Variants in CCSER1 observed in about 807,000 individuals in gnomAD.
The protein encoded by CCSER1 is coiled-coil serine rich protein 1, also known as serine-rich coiled-coil domain-containing protein 1.
CCSER1 carries 41 observed loss-of-function variants against 82.0 expected under a neutral mutation model. The observed-to-expected ratio is 0.50, with a 90% CI of 0.39 to 0.65. The LOEUF is 0.65. CCSER1 is among the 30% of genes least tolerant of loss of function. The pLI, the probability that CCSER1 is intolerant of heterozygous loss-of-function variation, is 0.00. For missense variants in CCSER1, 1,119 were observed against 1,064.2 expected (o/e 1.05, Z -0.72); for synonymous variants, 414 against 383.9 (o/e 1.08, Z -0.92).
At chr4:91,095,656 T>C (rs924464114) in intron 10 of CCSER1, among the ~76,000 whole-genome samples, 4 of 152,208 alleles carry the variant, frequency 2.6e-5, no homozygotes, top group Non-Finnish European at 1.5e-5. Context: ...GGAGTGTACA[T>C]ACGATAGGCC....
At chr4:90,801,418 G>A (rs1227088999) in intron 7 of CCSER1, among the ~76,000 whole-genome samples, 2 of 152,088 alleles carry the variant, frequency 1.3e-5, no homozygotes, top group Non-Finnish European at 2.9e-5. Flanking sequence ...CTGTACAAAT[G>A]TAAGGTGGTA....
intron 10 of CCSER1, among the ~76,000 whole-genome samples, chr4:91,433,090 C>G (rs909040494): frequency 1.2e-4 from 18 of 152,026 alleles, no homozygotes; most frequent in African/African-American, 3.9e-4. Flanking sequence ...TTAATTTACT[C>G]TTTATTATAT....
In CCSER1 at chr4:90,917,331, A is replaced by C. The variant is rs541831654; in HGVS notation, c.2095-6039A>C. Among the ~76,000 whole-genome samples the C allele has an allele frequency of 3.9e-5, 6 of 152,330 alleles. No individual in the cohort carries two copies. In the South Asian group the frequency reaches 1.2e-3, roughly 32 times the overall value. ...ACATATACACCATGGAATACTATGC[A>C]GCCATAAAAATGATGAGTTCATATC... On this transcript the variant is annotated intron_variant, in intron 8 of 10. Coordinates refer to ENST00000509176, the MANE Select transcript of CCSER1 (RefSeq NM_001145065.2).
intron 8 of CCSER1, among the ~76,000 whole-genome samples, chr4:90,833,805 G>A (rs561626225): frequency 4.6e-5 from 7 of 152,126 alleles, no homozygotes; most frequent in Non-Finnish European, 7.4e-5. Flanking sequence ...GGGAGCTGAG[G>A]CCTACCCTCC....
chr4:90,488,491 T>A (rs1184421678), intron 5 of CCSER1, among the ~76,000 whole-genome samples: 2 of 152,048 alleles, frequency 1.3e-5, no homozygotes, highest in East Asian at 3.9e-4. Flanking sequence ...CCAGGCGACG[T>A]CCTCTCTATT....
intron 10 of CCSER1, among the ~76,000 whole-genome samples, chr4:91,382,039 T>C (rs897758699): frequency 6.6e-6 from 1 of 152,190 alleles, no homozygotes; most frequent in Admixed American, 6.5e-5. Context: ...CCTGTTTGCC[T>C]GGGTGTCAGC....
chr4:90,469,524 AACACACACACACAC>A (rs3971380), intron 5 of CCSER1, among the ~76,000 whole-genome samples: 110 of 136,420 alleles, frequency 8.1e-4, no homozygotes, highest in Non-Finnish European at 1.3e-3. Flanking sequence ...TTTCCTGCAA[AACACACACACACAC>A]ACACACACAC....
At chr4:91,120,632 A>T (rs1299130660) in intron 10 of CCSER1, among the ~76,000 whole-genome samples, 18 of 151,916 alleles carry the variant, frequency 1.2e-4, no homozygotes, top group Non-Finnish European at 1.3e-4. Context: ...CATGAGAGGA[A>T]TCTATGTCAT....
chr4:91,089,240 A>C (rs543903656), intron 10 of CCSER1, among the ~76,000 whole-genome samples: 1 of 152,306 alleles, frequency 6.6e-6, no homozygotes, highest in South Asian at 2.1e-4. Flanking sequence ...AGTGAAACAG[A>C]ACAGAATGAG....
At chr4:91,390,217 A>G (rs904478963) in intron 10 of CCSER1, among the ~76,000 whole-genome samples, 2 of 151,852 alleles carry the variant, frequency 1.3e-5, no homozygotes, top group Non-Finnish European at 2.9e-5. Flanking sequence ...TGCTTTTTTG[A>G]TAAGAGTTTT....
chr4:90,672,157 TA>T (rs1170118405), intron 6 of CCSER1, among the ~76,000 whole-genome samples: 1 of 152,040 alleles, frequency 6.6e-6, no homozygotes, highest in Non-Finnish European at 1.5e-5. Context: ...GGCTTCAACT[TA>T]AAATCCTCAG....
chr4:90,528,264 C>T (rs1774040171), intron 5 of CCSER1, among the ~76,000 whole-genome samples: 1 of 152,104 alleles, frequency 6.6e-6, no homozygotes. Context: ...GCCTCACTAA[C>T]TTAAATGGTG....
chr4:90,238,432 T>C (rs757611267), intron 1 of CCSER1, among the ~76,000 whole-genome samples: 2 of 152,240 alleles, frequency 1.3e-5, no homozygotes, highest in African/African-American at 2.4e-5. Context: ...ACAAATGGTA[T>C]TGAAGACTCA....
chr4:91,374,148 A>G (rs1001651669), intron 10 of CCSER1, among the ~76,000 whole-genome samples: 3 of 152,210 alleles, frequency 2.0e-5, no homozygotes, highest in African/African-American at 7.2e-5. Flanking sequence ...TAGAAGCTGC[A>G]GCAAGTTATC....
chr4:91,556,094 G>A (rs1762385332), intron 10 of CCSER1, among the ~76,000 whole-genome samples: 1 of 151,272 alleles, frequency 6.6e-6, no homozygotes, highest in African/African-American at 2.4e-5. Context: ...ACACATATGT[G>A]TTTCATTGAG....
chr4:91,517,741 TTCTC>T (rs1578675147), intron 10 of CCSER1, among the ~76,000 whole-genome samples: 2 of 136,336 alleles, frequency 1.5e-5, no homozygotes, highest in East Asian at 4.3e-4. Flanking sequence ...TTTCAGTTCT[TTCTC>T]GTGTGTGTGT....
chr4:91,313,571 C>T (rs1329193028), intron 10 of CCSER1, among the ~76,000 whole-genome samples: 1 of 151,958 alleles, frequency 6.6e-6, no homozygotes, highest in Non-Finnish European at 1.5e-5. Flanking sequence ...AGCCCCTTGA[C>T]TCTTGTCTGG....
chr4:90,921,688 C>A (rs1728400913), intron 8 of CCSER1, among the ~76,000 whole-genome samples: 1 of 151,970 alleles, frequency 6.6e-6, no homozygotes, highest in South Asian at 2.1e-4. Context: ...GAAATGTGAG[C>A]TGTGGCATAA....
chr4:90,567,516 C>T lies in CCSER1; in HGVS notation c.1725-60509C>T, dbSNP rs1779550810. 3.3e-5 allele frequency among the ~76,000 whole-genome samples: 5 copies of T among 151,976 alleles called. No individual in the cohort carries two copies. In the South Asian group the frequency reaches 1.0e-3, roughly 32 times the overall value. ...TGTTGGTCAGGCTGGTCTCAAACTC[C>T]CGACCTCAGGTGATCTGCCTGCCTC... On this transcript the variant is annotated intron_variant, in intron 5 of 10. Coordinates refer to ENST00000509176, the MANE Select transcript of CCSER1 (RefSeq NM_001145065.2).
Sources: allele counts gnomAD v4.1 joint callset (sites outside exome capture counted in the v4.1 genomes callset), GRCh38; gene constraint gnomAD v4.1.1; transcripts MANE v1.5; gene names NCBI Gene and HGNC (gene_info 2026-07-23, HGNC 2026-07-21).